The following RGSL1 variants were observed in gnomAD, a reference collection of about 807,000 sequenced individuals.
RGSL1 encodes regulator of G protein signaling protein-like.
A neutral mutation model predicts 124.7 loss-of-function variants in RGSL1; 97 were observed. The ratio of observed to expected loss-of-function variants is 0.78; its 90% CI spans 0.66 to 0.92. The LOEUF (loss-of-function observed/expected upper bound fraction) is 0.92. Ranked by LOEUF, RGSL1 falls within the 40% of genes least tolerant of loss-of-function variation. RGSL1 has a pLI of 0.00. For synonymous variants in RGSL1, 424 were observed against 438.1 expected, an observed-to-expected ratio of 0.97 and a Z score of 0.40; for missense variants, 1,233 against 1,288.4, an observed-to-expected ratio of 0.96 and a Z score of 0.66.
At chr1:182,450,016 G>A, upstream of RGSL1, 1 of 841,648 alleles carries the variant, frequency 1.2e-6, no homozygotes, top group South Asian at 1.5e-5. Context: ...TCAGATTAAG[G>A]CCTACACCAG....
chr1:182,526,144 T>C (rs1171703436), intron 10 of RGSL1, among the ~76,000 whole-genome samples: 1 of 152,204 alleles, frequency 6.6e-6, no homozygotes, highest in Non-Finnish European at 1.5e-5. Flanking sequence ...CACTGGAGAA[T>C]TCTATGAAAT....
intron 13 of RGSL1, among the ~76,000 whole-genome samples, chr1:182,532,363 C>T (rs940093115): frequency 1.3e-5 from 2 of 152,182 alleles, no homozygotes; most frequent in African/African-American, 4.8e-5. Flanking sequence ...CATGCTCCCT[C>T]TCCCAATCAC....
In RGSL1 at chr1:182,472,430, G is replaced by T; in HGVS notation, c.336G>T (p.Glu112Asp). 1 of 1,550,754 alleles carries T rather than the reference G, an allele frequency of 6.4e-7. No homozygotes were observed. The highest frequency in any genetic ancestry group is 8.7e-7 in the Non-Finnish European group (1 of 1,146,380). ...EELVDFWILA[E>D]NILSIDEMDL... ...TGGTGGATTTCTGGATCCTTGCTGA[G>T]AACATCCTGAGCATAGATGAGATGG... Residue 112 changes from glutamate (E) to aspartate (D), a missense_variant, in exon 5 of 22, where the codon GAG (glutamate) becomes GAT (aspartate). Physicochemically the swap from Glu to Asp is conservative, Grantham distance 45. Transcript: ENST00000294854.
intron 9 of RGSL1, among the ~76,000 whole-genome samples, chr1:182,499,487 T>G (rs1340716942): frequency 6.6e-6 from 1 of 152,248 alleles, no homozygotes; most frequent in Non-Finnish European, 1.5e-5. Context: ...GAAATTAGAA[T>G]AGCAACCTCT....
chr1:182,502,674 C>T (rs1433751365), intron 9 of RGSL1, among the ~76,000 whole-genome samples: 2 of 152,176 alleles, frequency 1.3e-5, no homozygotes, highest in African/African-American at 4.8e-5. Flanking sequence ...TTTTTAATAT[C>T]TGCATTTATA....
chr1:182,544,677 T>G lies in RGSL1; in HGVS notation c.2670-3640T>G, dbSNP rs138488451. 7.1e-3 allele frequency among the ~76,000 whole-genome samples: 1,082 copies of G among 152,232 alleles called. 21 individuals are homozygous for G. The highest frequency in any genetic ancestry group is 0.025 in the African/African-American group (1,052 of 41,570). Reference sequence around the variant, plus strand: ...TGCTTTATATACTTGGGTGCTCTCATGTTGGATGCATCGATATTTATAATT... The same window carrying G: ...TGCTTTATATACTTGGGTGCTCTCAGGTTGGATGCATCGATATTTATAATT... On this transcript the variant is annotated intron_variant, in intron 15 of 21. Coordinates refer to ENST00000294854, the MANE Select transcript of RGSL1 (RefSeq NM_001137669.2).
intron 9 of RGSL1, chr1:182,507,416 A>G (rs1416471138): frequency 6.6e-5 from 10 of 152,346 alleles, no homozygotes; most frequent in Non-Finnish European, 1.0e-4. Context: ...GTAACCACCA[A>G]TCATACTCCT....
chr1:182,469,093 T>C (rs1295432606), intron 4 of RGSL1, among the ~76,000 whole-genome samples: 1 of 152,036 alleles, frequency 6.6e-6, no homozygotes, highest in East Asian at 1.9e-4. Context: ...GAGGACAAAA[T>C]GTTCACAACA....
intron 21 of RGSL1, among the ~76,000 whole-genome samples, chr1:182,560,037 A>T (rs1661084419): frequency 6.6e-6 from 1 of 152,254 alleles, no homozygotes; most frequent in African/African-American, 2.4e-5. Context: ...TCATAAATAC[A>T]TATTGAATGC....
chr1:182,530,160 TAAAAAAAAA>T, intron 11 of RGSL1, 75 bp from the exon 12 acceptor site: 1 of 778,996 alleles, frequency 1.3e-6, no homozygotes, highest in East Asian at 3.4e-5. Context: ...GACTCTAAGA[TAAAAAAAAA>T]AAACAAAAAA....
intron 9 of RGSL1, among the ~76,000 whole-genome samples, chr1:182,508,369 G>A (rs1219380977): frequency 4.1e-5 from 5 of 123,354 alleles, no homozygotes; most frequent in South Asian, 2.5e-4. Flanking sequence ...GGGTGATTTC[G>A]GCCCACTGCA....
At chr1:182,548,264 G>A in intron 15 of RGSL1, 53 bp from the exon 16 acceptor site, 1 of 1,545,550 alleles carries the variant, frequency 6.5e-7, no homozygotes, top group Admixed American at 2.0e-5. Context: ...TGCCTTGTTA[G>A]TCACTGTTTT....
At chr1:182,528,146 A>G (rs953352427) in intron 11 of RGSL1, among the ~76,000 whole-genome samples, 1 of 152,096 alleles carries the variant, frequency 6.6e-6, no homozygotes, top group African/African-American at 2.4e-5. Flanking sequence ...GTGCCAAATG[A>G]AGGGGGAAGC....
intron 9 of RGSL1, among the ~76,000 whole-genome samples, chr1:182,506,038 T>C (rs1656783610): frequency 6.6e-6 from 1 of 152,200 alleles, no homozygotes; most frequent in South Asian, 2.1e-4. Context: ...TGGCATTACA[T>C]TGAGACACCC....
intron 18 of RGSL1, 68 bp from the exon 19 acceptor site, chr1:182,553,387 C>G: frequency 8.4e-7 from 1 of 1,196,210 alleles, no homozygotes; most frequent in Non-Finnish European, 1.2e-6. Context: ...TTATTGCTTA[C>G]TTAGAGAGAT....
intron 9 of RGSL1, among the ~76,000 whole-genome samples, chr1:182,516,144 G>C (rs1657877325): frequency 6.6e-6 from 1 of 152,174 alleles, no homozygotes; most frequent in African/African-American, 2.4e-5. Context: ...GTAGACCTCC[G>C]TGAAGGGAAA....
intron 9 of RGSL1, among the ~76,000 whole-genome samples, chr1:182,507,974 AGT>A (rs1357816854): frequency 5.3e-5 from 8 of 152,162 alleles, no homozygotes; most frequent in Non-Finnish European, 1.0e-4. Context: ...ACATGCTGAT[AGT>A]GTGAGCCACC....
At chr1:182,464,464 C>A (rs893768352) in intron 4 of RGSL1, among the ~76,000 whole-genome samples, 2 of 152,172 alleles carry the variant, frequency 1.3e-5, no homozygotes, top group African/African-American at 2.4e-5. Context: ...TGGCTCACGC[C>A]TGTAATCCCA....
At chr1:182,518,718 C>T (rs536071799) in intron 9 of RGSL1, among the ~76,000 whole-genome samples, 4 of 152,170 alleles carry the variant, frequency 2.6e-5, no homozygotes, top group East Asian at 1.9e-4. Context: ...GGGCATAATG[C>T]GGGGAGGGGT....
Sources: allele counts gnomAD v4.1 joint callset (sites outside exome capture counted in the v4.1 genomes callset), GRCh38; gene constraint gnomAD v4.1.1; transcripts MANE v1.5; gene names NCBI Gene and HGNC (gene_info 2026-07-23, HGNC 2026-07-21).